The following GALNT13 variants were observed in gnomAD, a reference collection of about 807,000 sequenced individuals.
GALNT13 encodes the protein UDP-GalNAc:polypeptide N-acetylgalactosaminyltransferase 13.
Under a neutral mutation model 64.2 loss-of-function variants are expected in GALNT13, and 28 were observed. The ratio of observed to expected loss-of-function variants is 0.44; its 90% CI spans 0.32 to 0.60. The LOEUF is 0.60. Among genes scored for constraint, GALNT13 ranks in the 20% least tolerant of loss-of-function variants. The probability of loss-of-function intolerance (pLI) is 0.05; values close to 1 mark genes in which losing one functional copy is unlikely to be tolerated. For synonymous variants in GALNT13, 214 were observed against 224.6 expected (o/e 0.95, Z 0.42); for missense variants, 577 against 669.8 (o/e 0.86, Z 1.53).
the GALNT13 span, among the ~76,000 whole-genome samples, chr2:153,461,478 A>C: frequency 6.6e-6 from 1 of 152,068 alleles, no homozygotes; most frequent in Non-Finnish European, 1.5e-5. Context: ...GTAATGACAG[A>C]CTAAAGATGA....
chr2:153,081,134 G>A, the GALNT13 span, among the ~76,000 whole-genome samples: 2 of 151,896 alleles, frequency 1.3e-5, no homozygotes, highest in Non-Finnish European at 2.9e-5. Flanking sequence ...ACACATATGT[G>A]TATATAAAAT....
chr2:153,851,885 G>A, the GALNT13 span, among the ~76,000 whole-genome samples: 1 of 152,154 alleles, frequency 6.6e-6, no homozygotes, highest in Admixed American at 6.5e-5. Flanking sequence ...GAAACAAAAT[G>A]TATGACAAGA....
chr2:154,209,238 A>G lies in GALNT13; in HGVS notation c.312-32792A>G, dbSNP rs951222960. 2.6e-5 allele frequency among the ~76,000 whole-genome samples: 4 copies of G among 152,198 alleles called. No individual in the cohort carries two copies. In the South Asian group the frequency reaches 8.3e-4, roughly 32 times the overall value. ...CAAATCCTTCTTAAAAGCAAATTTA[A>G]TTAAATCTGAGGATACAGTGGGGTT... On this transcript the variant is annotated intron_variant, in intron 4 of 12. Transcript: ENST00000392825.
chr2:153,459,865 A>G, the GALNT13 span, among the ~76,000 whole-genome samples: 1 of 152,306 alleles, frequency 6.6e-6, no homozygotes, highest in Non-Finnish European at 1.5e-5. Flanking sequence ...TAAGGAGAGC[A>G]TAATGAAAGG....
At chr2:154,185,382 C>A (rs1686193237) in intron 4 of GALNT13, among the ~76,000 whole-genome samples, 1 of 151,894 alleles carries the variant, frequency 6.6e-6, no homozygotes, top group Non-Finnish European at 1.5e-5. Flanking sequence ...CCTAGATGTT[C>A]ATTTCCCTAT....
the GALNT13 span, among the ~76,000 whole-genome samples, chr2:153,536,684 T>A: frequency 6.6e-6 from 1 of 152,220 alleles, no homozygotes; most frequent in Non-Finnish European, 1.5e-5. Flanking sequence ...TATAATAGTG[T>A]AGAACTTTAC....
At chr2:154,143,032 A>G (rs951579836) in intron 4 of GALNT13, among the ~76,000 whole-genome samples, 1 of 152,136 alleles carries the variant, frequency 6.6e-6, no homozygotes, top group African/African-American at 2.4e-5. Context: ...AATGGTCCCC[A>G]ACCTTTTGGC....
chr2:153,123,196 C>G, the GALNT13 span, among the ~76,000 whole-genome samples: 4 of 152,058 alleles, frequency 2.6e-5, no homozygotes, highest in Non-Finnish European at 5.9e-5. Flanking sequence ...CTAGGAAACA[C>G]CAAGGATTGC....
At chr2:153,552,093 G>T in the GALNT13 span, among the ~76,000 whole-genome samples, 4 of 152,180 alleles carry the variant, frequency 2.6e-5, no homozygotes, top group African/African-American at 9.7e-5. Context: ...TTTCTGGTAG[G>T]TTGAGATGAT....
the GALNT13 span, among the ~76,000 whole-genome samples, chr2:153,102,120 G>T: frequency 6.6e-6 from 1 of 151,852 alleles, no homozygotes; most frequent in East Asian, 1.9e-4. Context: ...GCTCTGTCAG[G>T]GTGTCCTGTG....
chr2:153,168,362 C>T, the GALNT13 span, among the ~76,000 whole-genome samples: 4 of 152,146 alleles, frequency 2.6e-5, no homozygotes, highest in African/African-American at 9.7e-5. Flanking sequence ...GGAATTCTTA[C>T]TGTTTCATTT....
chr2:153,522,248 G>T, the GALNT13 span, among the ~76,000 whole-genome samples: 2 of 151,890 alleles, frequency 1.3e-5, no homozygotes, highest in African/African-American at 4.8e-5. Context: ...TGGGAGAATC[G>T]TTTGAACCTG....
chr2:153,519,611 C>T, the GALNT13 span, among the ~76,000 whole-genome samples: 1 of 152,028 alleles, frequency 6.6e-6, no homozygotes. Flanking sequence ...AATCAGTTGA[C>T]AAATCAAGCC....
chr2:153,582,580 T>C, the GALNT13 span, among the ~76,000 whole-genome samples: 4 of 152,184 alleles, frequency 2.6e-5, no homozygotes, highest in South Asian at 6.2e-4. Flanking sequence ...ACTAAAATTC[T>C]ATTAAAATGA....
chr2:153,122,128 A>C, the GALNT13 span, among the ~76,000 whole-genome samples: 7 of 152,218 alleles, frequency 4.6e-5, no homozygotes, highest in Non-Finnish European at 8.8e-5. Flanking sequence ...GTTGGCATGA[A>C]TAGTTTTGAT....
chr2:153,245,280 C>T, the GALNT13 span, among the ~76,000 whole-genome samples: 7 of 152,330 alleles, frequency 4.6e-5, no homozygotes, highest in East Asian at 1.2e-3. Context: ...CACAGCACAC[C>T]AGCTTTGCTA....
chr2:154,374,795 G>A (rs1437705907), intron 9 of GALNT13, among the ~76,000 whole-genome samples: 1 of 152,090 alleles, frequency 6.6e-6, no homozygotes, highest in East Asian at 1.9e-4. Flanking sequence ...AATGCTCCAA[G>A]CCCAGATTTT....
At chr2:153,692,132 A>G in the GALNT13 span, among the ~76,000 whole-genome samples, 2 of 152,196 alleles carry the variant, frequency 1.3e-5, no homozygotes, top group African/African-American at 4.8e-5. Flanking sequence ...AAACAAGCAC[A>G]AAGAAGTAAA....
chr2:153,849,730 G>A, the GALNT13 span, among the ~76,000 whole-genome samples: 2 of 152,040 alleles, frequency 1.3e-5, no homozygotes, highest in South Asian at 4.1e-4. Context: ...TGGTGGTACA[G>A]TTTGAAAGGC....
Sources: gnomAD v4.1 joint callset for allele counts (sites outside exome capture counted in the v4.1 genomes callset) on GRCh38, gnomAD v4.1.1 for gene constraint, MANE v1.5 for transcripts, NCBI Gene and HGNC (gene_info 2026-07-23, HGNC 2026-07-21) for gene names.